APPBP2: variants seen among roughly 807,000 people sequenced by gnomAD.
APPBP2 encodes amyloid protein-binding protein 2.
APPBP2 carries 15 observed loss-of-function variants against 76.0 expected under a neutral mutation model. The observed-to-expected ratio is 0.20, with a 90% CI of 0.13 to 0.30. The LOEUF (loss-of-function observed/expected upper bound fraction) is 0.30. Among genes scored for constraint, APPBP2 ranks in the 10% least tolerant of loss-of-function variants. The pLI is 1.00. For missense variants in APPBP2, 401 were observed against 687.2 expected (o/e 0.58, Z 4.66); for synonymous variants, 222 against 242.2 (o/e 0.92, Z 0.77).
Position 60,461,981 on chromosome 17 carries a change from A to C in APPBP2, c.830+13T>G, listed in dbSNP as rs1244481666. 7 of 1,611,042 alleles carry C rather than the reference A, an allele frequency of 4.3e-6. No individual in the cohort carries two copies. Among genetic ancestry groups the C allele is most frequent in the African/African-American group, 1.3e-5 (1 of 74,864 alleles). On this transcript the variant is annotated intron_variant, in intron 7 of 12. Coordinates refer to ENST00000083182, the MANE Select transcript of APPBP2 (RefSeq NM_006380.5). Reference sequence around the variant, plus strand: ...GACAATTTAAAAGGATATTTTTAATAATAATCACCTACCGTGCCAAATACA... The same window carrying C: ...GACAATTTAAAAGGATATTTTTAATCATAATCACCTACCGTGCCAAATACA...
At chr17:60,482,613 T>A (rs1198151624) in intron 3 of APPBP2, among the ~76,000 whole-genome samples, 1 of 152,176 alleles carries the variant, frequency 6.6e-6, no homozygotes, top group Non-Finnish European at 1.5e-5. Context: ...GGCCCTGGTG[T>A]GTGAGGTTCC....
intron 1 of APPBP2, among the ~76,000 whole-genome samples, chr17:60,525,190 A>G (rs2091042008): frequency 6.6e-6 from 1 of 152,196 alleles, no homozygotes; most frequent in South Asian, 2.1e-4. Context: ...CAAAATCCCT[A>G]ATTCAAGTAT....
chr17:60,522,326 G>A (rs1266628601), intron 1 of APPBP2, among the ~76,000 whole-genome samples: 2 of 151,852 alleles, frequency 1.3e-5, no homozygotes, highest in Non-Finnish European at 2.9e-5. Context: ...CTATATTAAC[G>A]ACTTGTTTTG....
intron 4 of APPBP2, among the ~76,000 whole-genome samples, chr17:60,473,369 T>C (rs918913746): frequency 6.6e-6 from 1 of 152,222 alleles, no homozygotes; most frequent in Non-Finnish European, 1.5e-5. Flanking sequence ...TACTCATCCA[T>C]TCTCCCAAAT....
chr17:60,467,550 T>C (rs1188829340), intron 4 of APPBP2, among the ~76,000 whole-genome samples: 1 of 152,198 alleles, frequency 6.6e-6, no homozygotes, highest in Non-Finnish European at 1.5e-5. Flanking sequence ...CAAAATCTAT[T>C]ACCATAAGCA....
intron 3 of APPBP2, among the ~76,000 whole-genome samples, chr17:60,490,086 T>G (rs973713877): frequency 6.6e-6 from 1 of 151,988 alleles, no homozygotes; most frequent in Admixed American, 6.6e-5. Flanking sequence ...CAAACAAAAA[T>G]AGTTTGTGGT....
chr17:60,517,927 G>A (rs942782481), intron 1 of APPBP2, among the ~76,000 whole-genome samples: 1 of 152,018 alleles, frequency 6.6e-6, no homozygotes, highest in Non-Finnish European at 1.5e-5. Context: ...CTGTAAACTG[G>A]TTTTTGGGAC....
At chr17:60,467,618 C>A (rs1233386464) in intron 4 of APPBP2, among the ~76,000 whole-genome samples, 2 of 152,098 alleles carry the variant, frequency 1.3e-5, no homozygotes, top group Non-Finnish European at 2.9e-5. Flanking sequence ...ATACGTAAGA[C>A]TTTCATTTAA....
chr17:60,525,639 T>C (rs2091047152), intron 1 of APPBP2, among the ~76,000 whole-genome samples, 155 bp downstream of exon 1: 1 of 152,172 alleles, frequency 6.6e-6, no homozygotes, highest in African/African-American at 2.4e-5. Flanking sequence ...GATGGGGTGC[T>C]TCTCCACTGG....
chr17:60,482,509 T>C (rs1360220634), intron 3 of APPBP2, among the ~76,000 whole-genome samples: 2 of 152,210 alleles, frequency 1.3e-5, no homozygotes, highest in Non-Finnish European at 2.9e-5. Context: ...GCAGGTTACA[T>C]GTGCCATGTT....
chr17:60,505,185 A>G (rs1293153090), intron 1 of APPBP2, among the ~76,000 whole-genome samples: 1 of 152,240 alleles, frequency 6.6e-6, no homozygotes, highest in Non-Finnish European at 1.5e-5. Context: ...TCCCTCCATT[A>G]CCACTCTTGT....
chr17:60,495,346 G>T (rs8073412), intron 2 of APPBP2, among the ~76,000 whole-genome samples: 12,418 of 151,540 alleles, frequency 0.082, 1,671 homozygotes, highest in African/African-American at 0.28. Flanking sequence ...GAAATAAGAG[G>T]CTCAACATCA....
At chr17:60,512,168 T>A (rs1391769453) in intron 1 of APPBP2, among the ~76,000 whole-genome samples, 1 of 151,662 alleles carries the variant, frequency 6.6e-6, no homozygotes, top group African/African-American at 2.4e-5. Flanking sequence ...AGTGGCCCAA[T>A]CTCGGCTCAC....
intron 5 of APPBP2, 43 bp from the exon 6 acceptor site, chr17:60,464,153 C>T: frequency 6.7e-7 from 1 of 1,484,200 alleles, no homozygotes; most frequent in Non-Finnish European, 9.3e-7. Flanking sequence ...GTGGTTAAAT[C>T]AAGTTGACAA....
At chr17:60,451,235 A>G (rs1270979129) in intron 12 of APPBP2, among the ~76,000 whole-genome samples, 2 of 152,178 alleles carry the variant, frequency 1.3e-5, no homozygotes, top group Non-Finnish European at 2.9e-5. Flanking sequence ...CTATGATGTT[A>G]AAGGTAGGAG....
At chr17:60,488,970 C>G (rs1231786619) in intron 3 of APPBP2, among the ~76,000 whole-genome samples, 1 of 151,916 alleles carries the variant, frequency 6.6e-6, no homozygotes, top group Non-Finnish European at 1.5e-5. Context: ...TGCCTGTAAT[C>G]CCAGCACTTT....
intron 1 of APPBP2, among the ~76,000 whole-genome samples, chr17:60,509,665 G>A (rs1208019373): frequency 2.0e-5 from 3 of 152,152 alleles, no homozygotes; most frequent in Admixed American, 6.6e-5. Context: ...AGCCGGGCGT[G>A]GTGGCACATG....
intron 12 of APPBP2, among the ~76,000 whole-genome samples, chr17:60,448,868 A>G (rs547330397): frequency 4.5e-4 from 69 of 152,352 alleles, no homozygotes; most frequent in African/African-American, 1.6e-3. Context: ...ATCAGAGAAA[A>G]TTATATGTAT....
chr17:60,453,587 T>A (rs2090411396), intron 11 of APPBP2, among the ~76,000 whole-genome samples: 2 of 150,298 alleles, frequency 1.3e-5, no homozygotes, highest in African/African-American at 5.0e-5. Context: ...TCACCTAGGC[T>A]GGAGTGCAGT....
Sources: allele counts gnomAD v4.1 joint callset (sites outside exome capture counted in the v4.1 genomes callset), GRCh38; gene constraint gnomAD v4.1.1; transcripts MANE v1.5; gene names NCBI Gene and HGNC (gene_info 2026-07-23, HGNC 2026-07-21).